F2RL1: variants seen among roughly 807,000 people sequenced by gnomAD.
F2RL1 encodes the protein F2R like trypsin receptor 1, also known as proteinase-activated receptor 2.
A neutral mutation model predicts 21.7 loss-of-function variants in F2RL1; 16 were observed. The ratio of observed to expected loss-of-function variants is 0.74; its 90% CI spans 0.50 to 1.12. F2RL1 has a LOEUF of 1.12. Among genes scored for constraint, F2RL1 ranks in the 50% most tolerant of loss-of-function variants. The pLI is 0.00. For synonymous variants in F2RL1, 181 were observed against 186.7 expected (o/e 0.97, Z 0.25); for missense variants, 432 against 477.8 (o/e 0.90, Z 0.89).
intron 1 of F2RL1, among the ~76,000 whole-genome samples, chr5:76,832,122 C>T (rs986289963): frequency 4.0e-5 from 6 of 151,882 alleles, no homozygotes; most frequent in Admixed American, 2.6e-4. Flanking sequence ...TCCTAGAAAT[C>T]GATGCTCCAC....
chr5:76,832,645 A>C, intron 1 of F2RL1, 45 bp from the exon 2 acceptor site: 1 of 1,516,744 alleles, frequency 6.6e-7, no homozygotes, highest in African/African-American at 1.4e-5. Context: ...GTTACTGCTG[A>C]AACATTTATT....
intron 1 of F2RL1, among the ~76,000 whole-genome samples, chr5:76,827,501 A>C (rs113522070): frequency 0.012 from 1,846 of 152,068 alleles, 50 homozygotes; most frequent in African/African-American, 0.042. Flanking sequence ...CGTCTCAAAA[A>C]AAAAACAAAA....
chr5:76,834,880 GTTGACTTATTAGGACT>G lies in F2RL1; in HGVS notation c.*1084_*1099del, dbSNP rs2150608950. The G allele has an allele frequency of 6.6e-6, 1 of 152,400 alleles. No homozygotes were observed. Among genetic ancestry groups the G allele is most frequent in the South Asian group, 2.1e-4 (1 of 4,834 alleles). The allele number at this position is 152,400 out of a possible 1,614,324, so 9.4% of individuals were successfully genotyped here. On this transcript the variant is annotated 3_prime_UTR_variant, in exon 2 of 2. Coordinates refer to ENST00000296677, the MANE Select transcript of F2RL1 (RefSeq NM_005242.6). ...GTTCAGCTTATAATGAAATCTGTTT[GTTGACTTATTAGGACT>G]TTGAATTATTTCTTTATTAACCCTC...
Position 76,833,384 on chromosome 5 carries a change from C to CT in F2RL1, c.778dup (p.Ser260PhefsTer17). The CT allele has an allele frequency of 6.2e-7, 1 of 1,614,032 alleles. No individual in the cohort carries two copies. Among genetic ancestry groups the CT allele is most frequent in the East Asian group, 2.2e-5 (1 of 44,848 alleles). ...TTCTGTTCCCAGCCTTCCTCACAGC[C>CT]TCTGCCTATGTGCTGATGATCAGAA... On this transcript the variant is annotated frameshift_variant, in exon 2 of 2. Transcript: ENST00000296677. LOFTEE classifies it high-confidence loss of function.
In F2RL1 at chr5:76,833,018, T is replaced by C; in HGVS notation, c.411T>C (p.His137=). The C allele has an allele frequency of 6.2e-7, 1 of 1,614,184 alleles. No individual in the cohort carries two copies. Among genetic ancestry groups the C allele is most frequent in the Non-Finnish European group, 8.5e-7 (1 of 1,179,976 alleles). ...CCTTGAAGATTGCCTATCACATACA[T>C]GGCAACAACTGGATTTATGGGGAAG... ...WFPLKIAYHI[H]GNNWIYGEAL... The change falls in exon 2 of 2, where the codon CAT becomes CAC. Residue 137 remains histidine, a synonymous_variant. Coordinates refer to ENST00000296677, the MANE Select transcript of F2RL1 (RefSeq NM_005242.6).
In F2RL1 at chr5:76,828,666, T is replaced by A. The variant is rs74600271; in HGVS notation, c.83-4024T>A. Among the ~76,000 whole-genome samples the A allele has an allele frequency of 2.2e-4, 31 of 141,598 alleles. 1 individual carries two copies. The highest frequency in any genetic ancestry group is 1.8e-3 in the East Asian group (9 of 4,954). 92.9% of individuals were successfully genotyped at this position (141,598 alleles called of 152,430 possible). A position where few individuals can be genotyped will look rare whatever the true frequency, so the allele number is the denominator to read the frequency against. On this transcript the variant is annotated intron_variant, in intron 1 of 1. Coordinates refer to ENST00000296677, the MANE Select transcript of F2RL1 (RefSeq NM_005242.6). ...ATGCCTGGCTAATTTTTTTTTTTTT[T>A]AATTTTTTGTAGAGACACGGTCTTG...
At chr5:76,831,335 T>C (rs1033057741) in intron 1 of F2RL1, among the ~76,000 whole-genome samples, 2 of 152,044 alleles carry the variant, frequency 1.3e-5, no homozygotes, top group South Asian at 2.1e-4. Context: ...GGAATGTCCC[T>C]TGTGGTCCTG....
chr5:76,819,669 G>A (rs965746650), intron 1 of F2RL1, among the ~76,000 whole-genome samples: 2 of 152,102 alleles, frequency 1.3e-5, no homozygotes, highest in Non-Finnish European at 2.9e-5. Context: ...AAGTCATTAA[G>A]AGCTTTTTGC....
In F2RL1 at chr5:76,833,495, C is replaced by T; in HGVS notation, c.888C>T (p.Tyr296=). 6.2e-7 allele frequency: 1 copy of T among 1,613,778 alleles called. No individual in the cohort carries two copies. The highest frequency in any genetic ancestry group is 8.5e-7 in the Non-Finnish European group (1 of 1,179,982). ...IKLIVTVLAM[Y]LICFTPSNLL... ...TCATTGTCACTGTCCTGGCCATGTA[C>T]CTGATCTGCTTCACTCCTAGTAACC... The change falls in exon 2 of 2, where the codon TAC becomes TAT. Residue 296 remains tyrosine, a synonymous_variant. Coordinates refer to ENST00000296677, the MANE Select transcript of F2RL1 (RefSeq NM_005242.6).
intron 1 of F2RL1, among the ~76,000 whole-genome samples, chr5:76,824,473 T>C (rs994621585): frequency 2.3e-4 from 35 of 151,822 alleles, no homozygotes; most frequent in Admixed American, 9.2e-4. Context: ...GGATTACAGG[T>C]GCCCGCCACC....
Position 76,833,458 on chromosome 5 carries a change from G to A in F2RL1, c.851G>A (p.Arg284Lys), listed in dbSNP as rs1750392866. 1 of 1,613,844 alleles carries A rather than the reference G, an allele frequency of 6.2e-7. No individual in the cohort carries two copies. The highest frequency in any genetic ancestry group is 1.1e-5 in the South Asian group (1 of 91,058). ...MDENSEKKRK[R>K]AIKLIVTVLA... ...GAAAACTCAGAGAAGAAAAGGAAGA[G>A]GGCCATCAAACTCATTGTCACTGTC... The change falls in exon 2 of 2, where the codon AGG becomes AAG. Residue 284 changes from arginine to lysine, a missense_variant. Coordinates refer to ENST00000296677, the MANE Select transcript of F2RL1 (RefSeq NM_005242.6).
chr5:76,832,744 C>T lies in F2RL1; in HGVS notation c.137C>T (p.Ser46Phe). The stretch of plus-strand genomic sequence containing the variant: ...CTTATTGGTAAGGTTGATGGCACAT[C>T]CCACGTCACTGGAAAAGGAGTTACA... ...RSLIGKVDGT[S>F]HVTGKGVTVE... is the part of the protein sequence containing the mutation. Residue 46 changes from serine to phenylalanine, a missense_variant, in exon 2 of 2, where the codon TCC becomes TTC. Physicochemically the swap from Ser to Phe is radical, Grantham distance 155. Coordinates refer to ENST00000296677, the MANE Select transcript of F2RL1 (RefSeq NM_005242.6). The T allele has an allele frequency of 1.9e-6, 3 of 1,614,118 alleles. No homozygotes were observed. The highest frequency in any genetic ancestry group is 2.5e-6 in the Non-Finnish European group (3 of 1,179,982).
At chr5:76,832,438 CA>C (rs1750365169) in intron 1 of F2RL1, among the ~76,000 whole-genome samples, 1 of 152,036 alleles carries the variant, frequency 6.6e-6, no homozygotes, top group South Asian at 2.1e-4. Flanking sequence ...CCTATCTCTA[CA>C]AAAAGTAAAA....
intron 1 of F2RL1, among the ~76,000 whole-genome samples, chr5:76,820,898 G>T (rs569161968): frequency 2.0e-5 from 3 of 152,228 alleles, no homozygotes; most frequent in East Asian, 1.9e-4. Flanking sequence ...TTTCCCAAAG[G>T]GTTAGTGAAG....
At chr5:76,819,316 G>A in intron 1 of F2RL1, 52 bp downstream of exon 1, 5 of 1,464,012 alleles carry the variant, frequency 3.4e-6, no homozygotes, top group Middle Eastern at 1.8e-4. Context: ...TGGGGTCCTG[G>A]GCACGCTGGG....
intron 1 of F2RL1, among the ~76,000 whole-genome samples, chr5:76,821,772 G>A (rs750982742): frequency 1.4e-4 from 21 of 151,664 alleles, no homozygotes; most frequent in Admixed American, 1.2e-3. Context: ...TAGAGACAGG[G>A]TTTCACCATA....
chr5:76,832,753 C>T lies in F2RL1; in HGVS notation c.146C>T (p.Thr49Ile). The change falls in exon 2 of 2, where the codon ACT (threonine) becomes ATT (isoleucine). Residue 49 changes from threonine (T) to isoleucine (I), a missense_variant. Physicochemically the swap from Thr to Ile is moderately conservative, Grantham distance 89 (BLOSUM62 -1). Coordinates refer to ENST00000296677, the MANE Select transcript of F2RL1 (RefSeq NM_005242.6). ...IGKVDGTSHV[T>I]GKGVTVETVF... The stretch of plus-strand genomic sequence containing the variant: ...AAGGTTGATGGCACATCCCACGTCA[C>T]TGGAAAAGGAGTTACAGTTGAAACA... The T allele has an allele frequency of 6.2e-7, 1 of 1,614,200 alleles. No individual in the cohort carries two copies. Among genetic ancestry groups the T allele is most frequent in the Non-Finnish European group, 8.5e-7 (1 of 1,180,026 alleles).
In F2RL1 at chr5:76,834,015, T is replaced by C. The variant is rs1750411408; in HGVS notation, c.*214T>C. ...CTGTTTCAGAATCTCTCTACTCAGA[T>C]GACCCCAGAAACTGAACCAACAGAA... is the stretch of plus-strand genomic sequence containing the variant. On this transcript the variant is annotated 3_prime_UTR_variant, in exon 2 of 2. Coordinates refer to ENST00000296677, the MANE Select transcript of F2RL1 (RefSeq NM_005242.6). The C allele has an allele frequency of 1.9e-6, 1 of 523,442 alleles. No homozygotes were observed. Among genetic ancestry groups the C allele is most frequent in the Admixed American group, 3.5e-5 (1 of 28,736 alleles). The allele number at this position is 523,442 out of a possible 1,614,324, so 32.4% of individuals were successfully genotyped here.
intron 1 of F2RL1, among the ~76,000 whole-genome samples, chr5:76,819,727 G>C (rs928822052): frequency 2.0e-5 from 3 of 152,094 alleles, no homozygotes; most frequent in African/African-American, 7.2e-5. Context: ...GGTGGGGTTA[G>C]CGAGCTGATT....
Sources: gnomAD v4.1 joint callset for allele counts (sites outside exome capture counted in the v4.1 genomes callset) on GRCh38, gnomAD v4.1.1 for gene constraint, MANE v1.5 for transcripts, NCBI Gene and HGNC (gene_info 2026-07-23, HGNC 2026-07-21) for gene names.